Variants in FRMD4A observed in about 807,000 individuals in gnomAD.
FRMD4A encodes FERM domain containing 4A, also known as FERM domain-containing protein 4A.
Under a neutral mutation model 129.1 loss-of-function variants are expected in FRMD4A, and 29 were observed. The observed-to-expected ratio is 0.22, with a 90% CI of 0.17 to 0.31. The LOEUF (loss-of-function observed/expected upper bound fraction) is 0.31. Among genes scored for constraint, FRMD4A ranks in the 10% least tolerant of loss-of-function variants. The pLI is 1.00. For missense variants in FRMD4A, 1,272 were observed against 1,375.8 expected (o/e 0.92, Z 1.19); for synonymous variants, 634 against 571.6 (o/e 1.11, Z -1.56).
At chr10:14,176,330 C>A (rs946523519) in intron 2 of FRMD4A, among the ~76,000 whole-genome samples, 1 of 152,170 alleles carries the variant, frequency 6.6e-6, no homozygotes, top group Non-Finnish European at 1.5e-5. Flanking sequence ...TGCAAACCTT[C>A]TGATGTGACT....
At chr10:14,098,405 CT>C (rs1369112925) in intron 2 of FRMD4A, among the ~76,000 whole-genome samples, 2 of 150,440 alleles carry the variant, frequency 1.3e-5, no homozygotes, top group African/African-American at 4.9e-5. Context: ...TTTTTTCTTT[CT>C]TTTCTTTTTT....
At chr10:14,086,204 T>C (rs1454398044) in intron 2 of FRMD4A, among the ~76,000 whole-genome samples, 2 of 152,196 alleles carry the variant, frequency 1.3e-5, no homozygotes, top group East Asian at 1.9e-4. Context: ...ATTATCTGTT[T>C]AACTAAAGGC....
intron 2 of FRMD4A, among the ~76,000 whole-genome samples, chr10:13,990,106 ATC>A (rs1355871059): frequency 6.6e-6 from 1 of 152,170 alleles, no homozygotes; most frequent in Non-Finnish European, 1.5e-5. Context: ...AAATGACTTA[ATC>A]TCTCTCTATT....
At chr10:14,313,553 TG>T (rs1274344653) in intron 2 of FRMD4A, among the ~76,000 whole-genome samples, 2 of 152,180 alleles carry the variant, frequency 1.3e-5, no homozygotes, top group African/African-American at 4.8e-5. Flanking sequence ...AAAGAGACAA[TG>T]TTTTTTGTTT....
chr10:14,231,996 T>C (rs1843654783), intron 2 of FRMD4A, among the ~76,000 whole-genome samples: 1 of 152,228 alleles, frequency 6.6e-6, no homozygotes, highest in South Asian at 2.1e-4. Context: ...TGTCATGAAA[T>C]CTTTGCCAGG....
intron 2 of FRMD4A, among the ~76,000 whole-genome samples, chr10:14,194,749 A>G (rs1842426166): frequency 6.6e-6 from 1 of 152,210 alleles, no homozygotes; most frequent in Middle Eastern, 3.4e-3. Flanking sequence ...TCCTTAAAGC[A>G]CGTAAAATCT....
chr10:13,892,024 C>A (rs2094705054), intron 2 of FRMD4A, among the ~76,000 whole-genome samples: 1 of 141,368 alleles, frequency 7.1e-6, no homozygotes, highest in Non-Finnish European at 1.6e-5. Context: ...AATGCGCGCC[C>A]CCGCCCCCCC....
chr10:14,316,508 C>CAAAAAAAA (rs760301974), intron 2 of FRMD4A, among the ~76,000 whole-genome samples: 1 of 109,932 alleles, frequency 9.1e-6, no homozygotes, highest in African/African-American at 3.2e-5. Flanking sequence ...GTGATAGCAG[C>CAAAAAAAA]AAAAAAAAAA....
At chr10:13,978,784 A>T (rs1018162058) in intron 2 of FRMD4A, among the ~76,000 whole-genome samples, 8 of 152,284 alleles carry the variant, frequency 5.3e-5, no homozygotes, top group African/African-American at 1.9e-4. Flanking sequence ...ACCTTTTAAA[A>T]ATGCTTTGCT....
chr10:13,887,324 C>T (rs2094635225), intron 2 of FRMD4A, among the ~76,000 whole-genome samples: 1 of 152,194 alleles, frequency 6.6e-6, no homozygotes, highest in South Asian at 2.1e-4. Flanking sequence ...TGACTTCCAT[C>T]TTCAAGTGGA....
At chr10:13,898,610 G>A (rs2094784923) in intron 2 of FRMD4A, among the ~76,000 whole-genome samples, 1 of 152,208 alleles carries the variant, frequency 6.6e-6, no homozygotes, top group African/African-American at 2.4e-5. Context: ...TAGGATTTGA[G>A]TCACAGCTTC....
At chr10:13,908,995 C>G (rs1040520606) in intron 2 of FRMD4A, among the ~76,000 whole-genome samples, 3 of 152,196 alleles carry the variant, frequency 2.0e-5, no homozygotes, top group African/African-American at 7.2e-5. Context: ...CGCTGTACAG[C>G]CTAGTTACAG....
intron 2 of FRMD4A, among the ~76,000 whole-genome samples, chr10:14,058,432 G>T (rs1834646032): frequency 6.6e-6 from 1 of 152,082 alleles, no homozygotes; most frequent in Non-Finnish European, 1.5e-5. Context: ...CAAACCACTG[G>T]CAGGCAATGG....
intron 2 of FRMD4A, among the ~76,000 whole-genome samples, chr10:14,173,451 C>G (rs973660522): frequency 6.6e-6 from 1 of 152,118 alleles, no homozygotes; most frequent in Non-Finnish European, 1.5e-5. Flanking sequence ...TAGAGCAGTG[C>G]TCTGAAATCT....
At chr10:13,698,011 C>T (rs575098841) in intron 14 of FRMD4A, among the ~76,000 whole-genome samples, 1 of 152,026 alleles carries the variant, frequency 6.6e-6, no homozygotes, top group East Asian at 1.9e-4. Flanking sequence ...CTACAAATAA[C>T]CAACCAGCAC....
intron 2 of FRMD4A, among the ~76,000 whole-genome samples, chr10:14,124,318 G>A (rs890572850): frequency 1.3e-5 from 2 of 152,118 alleles, no homozygotes; most frequent in Non-Finnish European, 2.9e-5. Flanking sequence ...TGTAATTCTC[G>A]CAGCAGCCCT....
chr10:13,729,815 G>A (rs1016854116), intron 12 of FRMD4A, among the ~76,000 whole-genome samples: 6 of 152,174 alleles, frequency 3.9e-5, no homozygotes, highest in African/African-American at 1.2e-4. Context: ...TGCTGAATAT[G>A]TAACAAGGAC....
intron 2 of FRMD4A, among the ~76,000 whole-genome samples, chr10:14,313,602 G>A (rs1359401174): frequency 7.0e-6 from 1 of 142,134 alleles, no homozygotes; most frequent in Non-Finnish European, 1.5e-5. Flanking sequence ...CCAGCTATTT[G>A]GTAACTATTA....
rs552784144 is a variant in FRMD4A at position 14,054,878 on chromosome 10, C to T, written c.46-195966G>A. 3.7e-4 allele frequency among the ~76,000 whole-genome samples: 57 copies of T among 152,288 alleles called. No individual in the cohort carries two copies. The South Asian group carries it at 0.012, about 31-fold the overall frequency. On this transcript the variant is annotated intron_variant, in intron 2 of 24. Coordinates refer to ENST00000357447, the MANE Select transcript of FRMD4A (RefSeq NM_018027.5). The stretch of plus-strand genomic sequence containing the variant: ...GGCAGTTTTTGCTTTTGCCTGCCAC[C>T]ATGTAAGATGTGACTTTGCTCCTCC...
Sources: gnomAD v4.1 joint callset for allele counts (sites outside exome capture counted in the v4.1 genomes callset) on GRCh38, gnomAD v4.1.1 for gene constraint, MANE v1.5 for transcripts, NCBI Gene and HGNC (gene_info 2026-07-23, HGNC 2026-07-21) for gene names.